CD99L2: variants seen among roughly 807,000 people sequenced by gnomAD.
The protein encoded by CD99L2 is CD99 antigen-like protein 2.
In CD99L2, 24 loss-of-function variants were observed where a neutral mutation model predicts 27.3. That is an observed-to-expected ratio of 0.88 (90% CI 0.64 to 1.24). The LOEUF (loss-of-function observed/expected upper bound fraction) is 1.24. Among genes scored for constraint, CD99L2 ranks in the 50% most tolerant of loss-of-function variants. The probability of loss-of-function intolerance (pLI) is 0.00; values close to 1 mark genes in which losing one functional copy is unlikely to be tolerated. For synonymous variants in CD99L2, 97 were observed against 87.9 expected (o/e 1.10, Z -0.58); for missense variants, 255 against 221.6 (o/e 1.15, Z -0.96).
At chrX:150,837,254 T>TA (rs1242556086) in intron 1 of CD99L2, among the ~76,000 whole-genome samples, 12 of 103,875 alleles carry the variant, frequency 1.2e-4, no homozygotes, top group African/African-American at 4.5e-4. Flanking sequence ...GTATTATTAT[T>TA]TTTTTTTTTT....
At chrX:150,859,319 T>C (rs1359527978) in intron 1 of CD99L2, among the ~76,000 whole-genome samples, 1 of 110,179 alleles carries the variant, frequency 9.1e-6, no homozygotes, top group African/African-American at 3.3e-5. Context: ...GCCAAGATGG[T>C]GAAACCCCGT....
intron 1 of CD99L2, among the ~76,000 whole-genome samples, chrX:150,875,746 G>A (rs951044980): frequency 1.3e-4 from 14 of 111,776 alleles, no homozygotes; most frequent in Middle Eastern, 4.7e-3. Flanking sequence ...CTGTTCTCAT[G>A]ATGGTGAGTA....
chrX:150,847,468 T>C (rs1402733254), intron 1 of CD99L2, among the ~76,000 whole-genome samples: 1 of 111,687 alleles, frequency 9.0e-6, no homozygotes, highest in Admixed American at 9.5e-5. Context: ...ATTCCATCTA[T>C]TTTTAAACAT....
intron 1 of CD99L2, among the ~76,000 whole-genome samples, chrX:150,847,750 C>T (rs2046723993): frequency 9.0e-6 from 1 of 111,067 alleles, no homozygotes; most frequent in African/African-American, 3.3e-5. Flanking sequence ...CAGCCACCCA[C>T]TGCATTGTCC....
chrX:150,832,265 A>G (rs1294165889), intron 1 of CD99L2, among the ~76,000 whole-genome samples: 3 of 112,946 alleles, frequency 2.7e-5, no homozygotes, highest in African/African-American at 9.6e-5. Flanking sequence ...GAACACTCAC[A>G]AATATGTGGA....
chrX:150,823,461 T>A lies in CD99L2; in HGVS notation c.131-7383A>T, dbSNP rs185969768. Among the ~76,000 whole-genome samples, 559 of 110,079 alleles carry A rather than the reference T, an allele frequency of 5.1e-3. 7 individuals are homozygous for A. The highest frequency in any genetic ancestry group is 0.014 in the Middle Eastern group (3 of 216). Reference sequence around the variant, plus strand: ...CCACCACGCCCAGCTAATTTTTGTATTTTTAGTAGAGACGGGGTTTCACCA... The same window carrying A: ...CCACCACGCCCAGCTAATTTTTGTAATTTTAGTAGAGACGGGGTTTCACCA... On this transcript the variant is annotated intron_variant, in intron 2 of 10. Transcript: ENST00000370377.
In CD99L2 at chrX:150,818,745, C is replaced by A. The variant is rs1434973712; in HGVS notation, c.131-2667G>T. ...AAGGCTTTGCAGACACTGCCATCGT[C>A]AACCCCGGTCCAGTCCACTGTGTTC... On this transcript the variant is annotated intron_variant, in intron 2 of 10. Coordinates refer to ENST00000370377, the MANE Select transcript of CD99L2 (RefSeq NM_031462.4). 1.5e-5 allele frequency: 3 copies of A among 199,887 alleles called. No individual in the cohort carries two copies. The East Asian group carries it at 3.7e-4, about 24-fold the overall frequency. 16.5% of individuals were successfully genotyped at this position (199,887 alleles called of 1,213,427 possible).
At chrX:150,773,358 T>C (rs2043494670) in intron 9 of CD99L2, among the ~76,000 whole-genome samples, 1 of 113,088 alleles carries the variant, frequency 8.8e-6, no homozygotes, top group Non-Finnish European at 1.9e-5. Flanking sequence ...CAATGGCAGG[T>C]AGCTGGCAAG....
intron 7 of CD99L2, among the ~76,000 whole-genome samples, chrX:150,787,665 T>C (rs1212501656): frequency 1.0e-5 from 1 of 100,450 alleles, no homozygotes; most frequent in Non-Finnish European, 2.0e-5. Flanking sequence ...AAACACCGCA[T>C]GTTCTCACTC....
chrX:150,835,213 A>G (rs2046508056), intron 1 of CD99L2, among the ~76,000 whole-genome samples: 1 of 112,294 alleles, frequency 8.9e-6, no homozygotes, highest in African/African-American at 3.2e-5. Flanking sequence ...TGTATTGTAT[A>G]TTTTAAAATT....
intron 1 of CD99L2, among the ~76,000 whole-genome samples, chrX:150,896,370 C>A (rs928931916): frequency 8.9e-6 from 1 of 112,049 alleles, no homozygotes; most frequent in Non-Finnish European, 1.9e-5. Flanking sequence ...TGCACTCCAG[C>A]CTGAGCAACA....
At chrX:150,810,456 A>G (rs373391840) in intron 4 of CD99L2, among the ~76,000 whole-genome samples, 2 of 111,866 alleles carry the variant, frequency 1.8e-5, no homozygotes, top group African/African-American at 6.5e-5. Context: ...CATGTTTAGA[A>G]GCAAATTTAC....
At chrX:150,878,635 G>A (rs782182916) in intron 1 of CD99L2, among the ~76,000 whole-genome samples, 4 of 110,780 alleles carry the variant, frequency 3.6e-5, no homozygotes, top group East Asian at 2.8e-4. Flanking sequence ...GAATCCCAAC[G>A]GACTTTTTTT....
chrX:150,888,682 T>C (rs183801113), intron 1 of CD99L2, among the ~76,000 whole-genome samples: 15 of 112,749 alleles, frequency 1.3e-4, no homozygotes, highest in Non-Finnish European at 5.6e-5. Context: ...GGAATGTTCA[T>C]GCTTAGAACC....
intron 1 of CD99L2, among the ~76,000 whole-genome samples, chrX:150,869,651 G>A (rs1407600237): frequency 8.9e-6 from 1 of 111,961 alleles, no homozygotes; most frequent in African/African-American, 3.2e-5. Flanking sequence ...GGAGAGGACG[G>A]CATGTGCTTG....
intron 2 of CD99L2, among the ~76,000 whole-genome samples, chrX:150,824,436 GA>G (rs2046317145): frequency 3.7e-5 from 3 of 80,122 alleles, no homozygotes; most frequent in Non-Finnish European, 5.1e-5. Flanking sequence ...AGAAGAAGAA[GA>G]AAGAAGAAAG....
intron 1 of CD99L2, among the ~76,000 whole-genome samples, chrX:150,846,247 T>C (rs1264981108): frequency 8.9e-6 from 1 of 112,027 alleles, no homozygotes; most frequent in Non-Finnish European, 1.9e-5. Flanking sequence ...ATACTACATG[T>C]TTGTCAAAGG....
intron 1 of CD99L2, among the ~76,000 whole-genome samples, chrX:150,839,570 A>C (rs2046590055): frequency 9.0e-6 from 1 of 111,730 alleles, no homozygotes; most frequent in Non-Finnish European, 1.9e-5. Context: ...TGAAGTATCA[A>C]GAGGTAATAG....
chrX:150,896,916 G>A (rs1478173769), intron 1 of CD99L2, among the ~76,000 whole-genome samples: 4 of 112,361 alleles, frequency 3.6e-5, no homozygotes, highest in Non-Finnish European at 7.5e-5. Flanking sequence ...TACTGTTTCT[G>A]TCTCCTCTAC....
Sources: gnomAD v4.1 joint callset for allele counts (sites outside exome capture counted in the v4.1 genomes callset) on GRCh38, gnomAD v4.1.1 for gene constraint, MANE v1.5 for transcripts, NCBI Gene and HGNC (gene_info 2026-07-23, HGNC 2026-07-21) for gene names.